AURKA: variants seen among roughly 807,000 people sequenced by gnomAD.
AURKA encodes aurora 2.
AURKA carries 12 observed loss-of-function variants against 40.9 expected under a neutral mutation model. The ratio of observed to expected loss-of-function variants is 0.29; its 90% CI spans 0.19 to 0.48. The LOEUF is 0.48. Among genes scored for constraint, AURKA ranks in the 20% least tolerant of loss-of-function variants. The pLI, the probability that AURKA is intolerant of heterozygous loss-of-function variation, is 0.99. For missense variants in AURKA, 322 were observed against 462.1 expected, an observed-to-expected ratio of 0.70 and a Z score of 2.78; for synonymous variants, 170 against 164.3, an observed-to-expected ratio of 1.03 and a Z score of -0.26.
Position 56,371,185 on chromosome 20 carries a change from G to A in AURKA, c.855-526C>T, listed in dbSNP as rs540074993. On this transcript the variant is annotated intron_variant, in intron 7 of 8. Transcript: ENST00000395915. ...CTTGCCAAAAATATTTAACCTGGCTGGGTGCAGTGGCTCATGCCTGTAATG... is the reference window on the plus strand; with the variant it reads ...CTTGCCAAAAATATTTAACCTGGCTAGGTGCAGTGGCTCATGCCTGTAATG... Among the ~76,000 whole-genome samples the A allele has an allele frequency of 6.6e-5, 10 of 152,246 alleles. No homozygotes were observed. In the South Asian group the frequency reaches 1.5e-3, roughly 22 times the overall value.
chr20:56,383,026 C>T lies in AURKA; in HGVS notation c.525G>A (p.Glu175=), dbSNP rs143926563. 965 of 1,614,218 alleles carry T rather than the reference C, an allele frequency of 6.0e-4. 1 individual carries two copies. Among genetic ancestry groups the T allele is most frequent in the Non-Finnish European group, 7.6e-4 (901 of 1,180,028 alleles). Residue 175 remains glutamate, a synonymous_variant, in exon 5 of 9, where the codon GAG becomes GAA. Transcript: ENST00000395915. Reference sequence around the variant, plus strand: ...TTTCTACTTCTCTTCTGAGCTGATGCTCCACTCCGGCTTTCTCCAGCTGAG... The same window carrying T: ...TTTCTACTTCTCTTCTGAGCTGATGTTCCACTCCGGCTTTCTCCAGCTGAG... The part of the protein sequence containing the change: ...FKAQLEKAGV[E]HQLRREVEIQ...
intron 6 of AURKA, among the ~76,000 whole-genome samples, 160 bp downstream of exon 6, chr20:56,381,273 T>C (rs1600695838): frequency 6.6e-6 from 1 of 152,182 alleles, no homozygotes. Context: ...TCTGTACATA[T>C]GGTACAACTA....
In AURKA at chr20:56,370,029, AAAAC is replaced by A. The variant is rs1983895929; in HGVS notation, c.*125_*128del. On this transcript the variant is annotated 3_prime_UTR_variant, in exon 9 of 9. Transcript: ENST00000395915. ...GGAGGTTAAGGCACACCTGCTGAGTAAAACAAATATTTCTTGTGTAGCGTTCTAG... is the reference window on the plus strand; with the variant it reads ...GGAGGTTAAGGCACACCTGCTGAGTAAAATATTTCTTGTGTAGCGTTCTAG... 1 of 1,228,484 alleles carries A rather than the reference AAAAC, an allele frequency of 8.1e-7. No individual in the cohort carries two copies. The highest frequency in any genetic ancestry group is 1.2e-6 in the Non-Finnish European group (1 of 839,500). The allele number at this position is 1,228,484 out of a possible 1,614,324, so 76.1% of individuals were successfully genotyped here.
At chr20:56,389,654 C>T (rs1013627478) in intron 1 of AURKA, among the ~76,000 whole-genome samples, 10 of 152,142 alleles carry the variant, frequency 6.6e-5, no homozygotes, top group African/African-American at 1.2e-4. Flanking sequence ...ATTATCTGAG[C>T]GGCATCTCCA....
At chr20:56,389,127 C>A (rs1024294955) in intron 1 of AURKA, among the ~76,000 whole-genome samples, 1 of 152,176 alleles carries the variant, frequency 6.6e-6, no homozygotes. Context: ...TATCTACCAC[C>A]TAGTCGTCCT....
At chr20:56,376,019 T>A (rs140591986) in intron 6 of AURKA, among the ~76,000 whole-genome samples, 3 of 152,348 alleles carry the variant, frequency 2.0e-5, no homozygotes, top group Non-Finnish European at 4.4e-5. Flanking sequence ...GCTATCTGCT[T>A]ACACCAAAAC....
Position 56,382,996 on chromosome 20 carries a change from CTG to C in AURKA, c.553_554del (p.Gln185ValfsTer7), listed in dbSNP as rs1569075549. The C allele has an allele frequency of 1.2e-6, 2 of 1,614,000 alleles. No individual in the cohort carries two copies. The highest frequency in any genetic ancestry group is 2.2e-5 in the South Asian group (2 of 91,082). ...EHQLRREVEI[Q>X]SHLRHPNILR... is the part of the protein sequence containing the mutation. ...ACCTGAAAACTCACCGAAGGTGGGA[CTG>C]TATTTCTACTTCTCTTCTGAGCTGA... On this transcript the variant is annotated frameshift_variant, in exon 5 of 9. Transcript: ENST00000395915. LOFTEE classifies it high-confidence loss of function.
chr20:56,377,568 C>T (rs1399502546), intron 6 of AURKA, among the ~76,000 whole-genome samples: 1 of 152,136 alleles, frequency 6.6e-6, no homozygotes, highest in African/African-American at 2.4e-5. Flanking sequence ...GCAGGTGGAT[C>T]ACAAGGTCAA....
At chr20:56,380,345 A>G (rs1169075126) in intron 6 of AURKA, among the ~76,000 whole-genome samples, 47 of 143,620 alleles carry the variant, frequency 3.3e-4, no homozygotes, top group Admixed American at 6.7e-4. Context: ...ACAGAGTGAG[A>G]CTCCGTCTCA....
At chr20:56,378,349 A>G (rs911171158) in intron 6 of AURKA, among the ~76,000 whole-genome samples, 1 of 152,202 alleles carries the variant, frequency 6.6e-6, no homozygotes, top group African/African-American at 2.4e-5. Flanking sequence ...CCTTTGTCTT[A>G]TAGACTCCAC....
At chr20:56,375,089 G>T (rs192632688) in intron 6 of AURKA, among the ~76,000 whole-genome samples, 1 of 151,862 alleles carries the variant, frequency 6.6e-6, no homozygotes, top group East Asian at 1.9e-4. Flanking sequence ...AGTCCCTATC[G>T]CTAAGATTTA....
chr20:56,382,981 T>G lies in AURKA; in HGVS notation c.566+4A>C. On this transcript the variant is annotated splice_donor_region_variant and intron_variant, in intron 5 of 8. Coordinates refer to ENST00000395915, the MANE Select transcript of AURKA (RefSeq NM_198437.3). The stretch of plus-strand genomic sequence containing the variant: ...TTCTTTTGAACATGAACCTGAAAAC[T>G]CACCGAAGGTGGGACTGTATTTCTA... 1 of 1,613,494 alleles carries G rather than the reference T, an allele frequency of 6.2e-7. No homozygotes were observed. Among genetic ancestry groups the G allele is most frequent in the Non-Finnish European group, 8.5e-7 (1 of 1,179,992 alleles).
At chr20:56,376,874 G>T (rs1056752147) in intron 6 of AURKA, among the ~76,000 whole-genome samples, 1 of 152,196 alleles carries the variant, frequency 6.6e-6, no homozygotes, top group South Asian at 2.1e-4. Context: ...GAGGTCAGGA[G>T]TTCAAGACCA....
chr20:56,377,743 C>T (rs1398774219), intron 6 of AURKA, among the ~76,000 whole-genome samples: 2 of 151,918 alleles, frequency 1.3e-5, no homozygotes, highest in East Asian at 1.9e-4. Flanking sequence ...GCCAAAATCG[C>T]ACCACTACAC....
Position 56,381,179 on chromosome 20 carries a change from T to C in AURKA, c.705+254A>G, listed in dbSNP as rs151324713. ...AAGAAAATGAGGGTGACTATCTATATACATTATATACATTTCCATAGAAAA... is the reference window on the plus strand; with the variant it reads ...AAGAAAATGAGGGTGACTATCTATACACATTATATACATTTCCATAGAAAA... On this transcript the variant is annotated intron_variant, in intron 6 of 8. Transcript: ENST00000395915. Among the ~76,000 whole-genome samples the C allele has an allele frequency of 5.8e-3, 885 of 152,346 alleles. 6 individuals carry two copies. The highest frequency in any genetic ancestry group is 0.013 in the South Asian group (62 of 4,830).
At chr20:56,382,950 T>C in intron 5 of AURKA, 35 bp downstream of exon 5, 1 of 1,610,500 alleles carries the variant, frequency 6.2e-7, no homozygotes, top group South Asian at 1.1e-5. Context: ...GCAGCATTGG[T>C]GAACATTCTT....
chr20:56,381,442 T>C lies in AURKA; in HGVS notation c.696A>G (p.Arg232=), dbSNP rs1466195716. The change falls in exon 6 of 9, where the codon AGA becomes AGG. Residue 232 remains arginine, a synonymous_variant. Coordinates refer to ENST00000395915, the MANE Select transcript of AURKA (RefSeq NM_198437.3). ...LQKLSKFDEQ[R]TATYITELAN... is the part of the protein sequence containing the mutation. ...ATAAATGAACACTTACAGTAGCAGT[T>C]CTCTGCTCATCAAACTTTGAAAGTT... 1.9e-6 allele frequency: 3 copies of C among 1,612,948 alleles called. No homozygotes were observed. In the South Asian group the frequency reaches 3.3e-5, roughly 18 times the overall value.
Position 56,388,532 on chromosome 20 carries a change from C to T in AURKA, c.-5-330G>A, listed in dbSNP as rs981172105. The T allele has an allele frequency of 8.3e-6, 3 of 362,956 alleles. No homozygotes were observed. The Admixed American group carries it at 1.2e-4, about 15-fold the overall frequency. The allele number at this position is 362,956 out of a possible 1,614,324, so 22.5% of individuals were successfully genotyped here. On this transcript the variant is annotated intron_variant, in intron 1 of 8. Coordinates refer to ENST00000395915, the MANE Select transcript of AURKA (RefSeq NM_198437.3). ...CTACCTTAAAAAAGTCCTCTTTAGGCCGGGCATGGTGGCTTACACCTGTAA... is the reference window on the plus strand; with the variant it reads ...CTACCTTAAAAAAGTCCTCTTTAGGTCGGGCATGGTGGCTTACACCTGTAA...
chr20:56,386,994 T>A (rs1986456003), intron 2 of AURKA, among the ~76,000 whole-genome samples: 1 of 151,874 alleles, frequency 6.6e-6, no homozygotes, highest in Admixed American at 6.6e-5. Context: ...TTTAGAAGAG[T>A]CTAAGTTTTC....
Sources: allele counts gnomAD v4.1 joint callset (sites outside exome capture counted in the v4.1 genomes callset), GRCh38; gene constraint gnomAD v4.1.1; transcripts MANE v1.5; gene names NCBI Gene and HGNC (gene_info 2026-07-23, HGNC 2026-07-21).